CACNG2: variants seen among roughly 807,000 people sequenced by gnomAD.
The protein encoded by CACNG2 is calcium voltage-gated channel auxiliary subunit gamma 2, also known as voltage-dependent calcium channel gamma-2 subunit.
A neutral mutation model predicts 25.9 loss-of-function variants in CACNG2; 3 were observed. The observed-to-expected ratio is 0.12, with a 90% CI of 0.05 to 0.30. CACNG2 has a LOEUF of 0.30. Ranked by LOEUF, CACNG2 falls within the 10% of genes least tolerant of loss-of-function variation. The pLI is 1.00. For missense variants in CACNG2, 341 were observed against 432.5 expected (o/e 0.79, Z 1.88); for synonymous variants, 167 against 173.3 (o/e 0.96, Z 0.29).
At chr22:36,689,658 G>A (rs1937244011) in intron 1 of CACNG2, among the ~76,000 whole-genome samples, 1 of 152,242 alleles carries the variant, frequency 6.6e-6, no homozygotes, top group Non-Finnish European at 1.5e-5. Flanking sequence ...AGCTTTCCAA[G>A]GTAGAAATGA....
At chr22:36,689,928 G>A (rs866995248) in intron 1 of CACNG2, among the ~76,000 whole-genome samples, 32 of 152,334 alleles carry the variant, frequency 2.1e-4, no homozygotes, top group South Asian at 1.0e-3. Context: ...CCCTGGGGAC[G>A]TTCTTTAAAA....
intron 1 of CACNG2, among the ~76,000 whole-genome samples, chr22:36,658,975 G>A (rs1039073507): frequency 6.6e-5 from 10 of 152,128 alleles, no homozygotes; most frequent in South Asian, 2.1e-4. Flanking sequence ...AGCGCCAGAC[G>A]GTGGCTCTCC....
At chr22:36,647,642 C>G (rs904068972) in intron 1 of CACNG2, among the ~76,000 whole-genome samples, 3 of 152,146 alleles carry the variant, frequency 2.0e-5, no homozygotes, top group Non-Finnish European at 4.4e-5. Flanking sequence ...AGAATCTTCT[C>G]TAGCTACCCT....
At chr22:36,654,012 GTT>G (rs1491393854) in intron 1 of CACNG2, among the ~76,000 whole-genome samples, 5 of 134,780 alleles carry the variant, frequency 3.7e-5, no homozygotes, top group African/African-American at 5.9e-5. Context: ...GTGTGTGTGT[GTT>G]TATGTATGTG....
rs1305874367 is a variant in CACNG2, at chr22:36,566,477, G to A, written c.312C>T (p.Ser104=). 1 of 1,614,138 alleles carries A rather than the reference G, an allele frequency of 6.2e-7. No homozygotes were observed. The highest frequency in any genetic ancestry group is 1.7e-5 in the Admixed American group (1 of 60,032). The stretch of plus-strand genomic sequence containing the variant: ...TCACACTCAGGATTGGGAAAATGCT[G>A]GAGGCCCTCACGGCCCCTGTGGAAC... ...AEYFLRAVRA[S]SIFPILSVIL... is the part of the protein sequence containing the mutation. Residue 104 remains serine, a synonymous_variant, in exon 3 of 4, where the codon TCC becomes TCT. Coordinates refer to ENST00000300105, the MANE Select transcript of CACNG2 (RefSeq NM_006078.5).
At chr22:36,629,175 G>A (rs1936229878) in intron 1 of CACNG2, among the ~76,000 whole-genome samples, 1 of 152,362 alleles carries the variant, frequency 6.6e-6, no homozygotes, top group South Asian at 2.1e-4. Flanking sequence ...GATTGAGTGA[G>A]TTGGGTAAGA....
intron 2 of CACNG2, among the ~76,000 whole-genome samples, chr22:36,569,656 CA>C (rs986873946): frequency 4.6e-5 from 7 of 152,226 alleles, no homozygotes; most frequent in African/African-American, 1.7e-4. Context: ...TCTCCTGCCT[CA>C]GCCTCCCAAG....
rs1439675983 is a variant in CACNG2 at position 36,702,457 on chromosome 22, G to A, written c.120C>T (p.Cys40=). Residue 40 remains cysteine, a synonymous_variant, in exon 1 of 4, where the codon TGC becomes TGT. Transcript: ENST00000300105. The part of the protein sequence containing the change: ...TDYWLYSRGV[C]KTKSVSENET... ...CATTCTCACTGACACTTTTGGTCTT[G>A]CAAACCCCTCTGGAGTAGAGCCAAT... 4 of 1,614,068 alleles carry A rather than the reference G, an allele frequency of 2.5e-6. No individual in the cohort carries two copies. Among genetic ancestry groups the A allele is most frequent in the Admixed American group, 3.3e-5 (2 of 60,022 alleles).
intron 2 of CACNG2, among the ~76,000 whole-genome samples, chr22:36,568,145 G>A (rs1470744247): frequency 1.8e-4 from 27 of 152,078 alleles, no homozygotes; most frequent in Admixed American, 1.8e-3. Flanking sequence ...ACCGTGCCTG[G>A]CCAAAGATGT....
intron 1 of CACNG2, among the ~76,000 whole-genome samples, chr22:36,685,551 C>A (rs1390677252): frequency 1.3e-5 from 2 of 152,178 alleles, no homozygotes; most frequent in African/African-American, 4.8e-5. Flanking sequence ...CTGGCCATGT[C>A]CTGGTAACCC....
At chr22:36,579,826 C>A (rs981569507) in intron 2 of CACNG2, among the ~76,000 whole-genome samples, 4 of 152,228 alleles carry the variant, frequency 2.6e-5, no homozygotes, top group Non-Finnish European at 4.4e-5. Flanking sequence ...CACTCCCTCA[C>A]CTCCTTTAGG....
At chr22:36,681,616 T>C (rs1937126136) in intron 1 of CACNG2, among the ~76,000 whole-genome samples, 1 of 152,172 alleles carries the variant, frequency 6.6e-6, no homozygotes, top group African/African-American at 2.4e-5. Flanking sequence ...ACCCTTTCCT[T>C]TTGTCTCTTG....
chr22:36,607,653 G>A (rs941868054), intron 1 of CACNG2, among the ~76,000 whole-genome samples: 4 of 144,874 alleles, frequency 2.8e-5, no homozygotes, highest in African/African-American at 8.1e-5. Context: ...GAAATAGCTC[G>A]TGCAACGAGG....
intron 1 of CACNG2, among the ~76,000 whole-genome samples, chr22:36,588,202 G>T (rs1379512119): frequency 6.6e-6 from 1 of 152,168 alleles, no homozygotes. Context: ...CATCCTCATT[G>T]TATAGATGAG....
intron 1 of CACNG2, among the ~76,000 whole-genome samples, chr22:36,618,621 G>C (rs1936060436): frequency 6.6e-6 from 1 of 152,182 alleles, no homozygotes; most frequent in African/African-American, 2.4e-5. Context: ...CCTGCAGATG[G>C]GAATAAAACT....
At chr22:36,690,206 C>T (rs886401438) in intron 1 of CACNG2, among the ~76,000 whole-genome samples, 3 of 152,180 alleles carry the variant, frequency 2.0e-5, no homozygotes, top group Admixed American at 2.0e-4. Flanking sequence ...CACGGTGGAG[C>T]GGAGCAGCCA....
intron 1 of CACNG2, among the ~76,000 whole-genome samples, chr22:36,602,959 A>G (rs913035955): frequency 1.3e-5 from 2 of 152,196 alleles, no homozygotes; most frequent in African/African-American, 4.8e-5. Flanking sequence ...AGTGAAAGGA[A>G]GAGTTGAACA....
At chr22:36,661,300 TCG>T (rs1366341361) in intron 1 of CACNG2, among the ~76,000 whole-genome samples, 4 of 152,214 alleles carry the variant, frequency 2.6e-5, no homozygotes, top group African/African-American at 9.7e-5. Context: ...CCTCCTGAGA[TCG>T]CATGTTAGAT....
At chr22:36,629,050 G>T (rs1274039824) in intron 1 of CACNG2, among the ~76,000 whole-genome samples, 1 of 152,156 alleles carries the variant, frequency 6.6e-6, no homozygotes, top group African/African-American at 2.4e-5. Context: ...TGTTGAGGGA[G>T]GCTCCAGTTC....
Sources: allele counts gnomAD v4.1 joint callset (sites outside exome capture counted in the v4.1 genomes callset), GRCh38; gene constraint gnomAD v4.1.1; transcripts MANE v1.5; gene names NCBI Gene and HGNC (gene_info 2026-07-23, HGNC 2026-07-21).